FBXO25: variants seen among roughly 807,000 people sequenced by gnomAD.
FBXO25 encodes the protein F-box only protein 25.
In FBXO25, 45 loss-of-function variants were observed where a neutral mutation model predicts 51.9. That is an observed-to-expected ratio of 0.87 (90% CI 0.68 to 1.11). FBXO25 has a LOEUF of 1.11. Among genes scored for constraint, FBXO25 ranks in the 50% most tolerant of loss-of-function variants. The pLI, the probability that FBXO25 is intolerant of heterozygous loss-of-function variation, is 0.00. For synonymous variants in FBXO25, 199 were observed against 151.0 expected, an observed-to-expected ratio of 1.32 and a Z score of -2.33; for missense variants, 507 against 428.5, an observed-to-expected ratio of 1.18 and a Z score of -1.62.
At chr8:439,023 C>T (rs894766709) in intron 5 of FBXO25, among the ~76,000 whole-genome samples, 1 of 152,246 alleles carries the variant, frequency 6.6e-6, no homozygotes, top group Non-Finnish European at 1.5e-5. Context: ...TGTGTCCCAA[C>T]TGCAGTGAGG....
In FBXO25 at chr8:468,780, C is replaced by G; in HGVS notation, c.1053C>G (p.His351Gln). ...GCTTCACGCCTGTGTCTCCGCAGCA[C>G]TTCATCGACCTCTTCAAGTTTTAAG... ...DSCFTPVSPQ[H>Q]FIDLFKF Residue 351 changes from histidine (H) to glutamine (Q), a missense_variant, in exon 10 of 10, where the codon CAC becomes CAG. Transcript: ENST00000350302. 6.2e-7 allele frequency: 1 copy of G among 1,614,052 alleles called. No homozygotes were observed. The highest frequency in any genetic ancestry group is 8.5e-7 in the Non-Finnish European group (1 of 1,180,020).
chr8:409,223 A>G (rs1160883107), intron 1 of FBXO25, among the ~76,000 whole-genome samples: 3 of 152,316 alleles, frequency 2.0e-5, no homozygotes, highest in Non-Finnish European at 4.4e-5. Context: ...TTTGTGCTTT[A>G]GTTCATGAGC....
rs561499869 is a variant in FBXO25, at chr8:431,486, G to A, written c.238+42G>A. 28 of 1,003,244 alleles carry A rather than the reference G, an allele frequency of 2.8e-5. No homozygotes were observed. The South Asian group carries it at 3.0e-4, about 11-fold the overall frequency. The allele number at this position is 1,003,244 out of a possible 1,614,324, so 62.1% of individuals were successfully genotyped here. On this transcript the variant is annotated intron_variant, in intron 3 of 9. Transcript: ENST00000350302. ...TAATTTTATTTTACTTGTTGATTAC[G>A]TTGAAATACTAAATTACTCTGACAA...
chr8:470,995 C>G lies in FBXO25; in HGVS notation c.*2191C>G, dbSNP rs150772083. ...TCCCCTAATTTGTCATATACTGTTA[C>G]TGTCATTTAATTGTTAGATGTTATA... On this transcript the variant is annotated 3_prime_UTR_variant, in exon 10 of 10. Transcript: ENST00000350302. The G allele has an allele frequency of 1.0e-3, 154 of 152,252 alleles. No homozygotes were observed. Among genetic ancestry groups the G allele is most frequent in the African/African-American group, 3.6e-3 (150 of 41,538 alleles). The allele number at this position is 152,252 out of a possible 1,614,324, so 9.4% of individuals were successfully genotyped here. A position where few individuals can be genotyped will look rare whatever the true frequency, so the allele number is the denominator to read the frequency against.
chr8:413,889 G>C (rs190543021), intron 2 of FBXO25, among the ~76,000 whole-genome samples: 1 of 152,296 alleles, frequency 6.6e-6, no homozygotes, highest in Admixed American at 6.5e-5. Context: ...GAGACTGCAT[G>C]AGCACAGTAC....
rs75970118 is a variant in FBXO25, at chr8:475,319, A to G, written c.*6515A>G. ...GGTCTACATGACTGTCTTTGTTTCAATACAACACCATTTTGATTATTGTAG... is the reference window on the plus strand; with the variant it reads ...GGTCTACATGACTGTCTTTGTTTCAGTACAACACCATTTTGATTATTGTAG... On this transcript the variant is annotated 3_prime_UTR_variant, in exon 10 of 10. Coordinates refer to ENST00000350302, the MANE Select transcript of FBXO25 (RefSeq NM_183420.2). 9.0e-5 allele frequency: 15 copies of G among 167,192 alleles called. No homozygotes were observed. The East Asian group carries it at 1.1e-3, about 12-fold the overall frequency. The allele number at this position is 167,192 out of a possible 1,614,324, so 10.4% of individuals were successfully genotyped here.
At chr8:468,576 C>T (rs1800341814) in intron 9 of FBXO25, 139 bp from the exon 10 acceptor site, 3 of 625,386 alleles carry the variant, frequency 4.8e-6, no homozygotes, top group South Asian at 2.0e-5. Flanking sequence ...TGGTCATTCT[C>T]ATCCAAGTTA....
intron 1 of FBXO25, among the ~76,000 whole-genome samples, chr8:411,828 C>T (rs535171784): frequency 6.6e-6 from 1 of 152,232 alleles, no homozygotes; most frequent in South Asian, 2.1e-4. Flanking sequence ...TTTGAATCAG[C>T]AGTGTGAGCA....
intron 8 of FBXO25, 135 bp downstream of exon 8, chr8:458,686 G>C: frequency 1.2e-6 from 1 of 817,860 alleles, no homozygotes; most frequent in African/African-American, 1.7e-5. Flanking sequence ...AACAATCAGA[G>C]TTTATTGAGA....
In FBXO25 at chr8:418,273, T is replaced by C. The variant is rs369382825; in HGVS notation, c.134+5060T>C. ...AACTAGTTTGGTGGGCAAAAAACAT[T>C]AGACATTTTATTTCTTTTCCTTTCC... On this transcript the variant is annotated intron_variant, in intron 2 of 9. Transcript: ENST00000350302. Among the ~76,000 whole-genome samples the C allele has an allele frequency of 9.9e-5, 15 of 152,156 alleles. No homozygotes were observed. The East Asian group carries it at 2.7e-3, about 27-fold the overall frequency.
chr8:458,270 C>G, intron 7 of FBXO25, 99 bp from the exon 8 acceptor site: 2 of 1,352,908 alleles, frequency 1.5e-6, no homozygotes, highest in Non-Finnish European at 1.0e-6. Flanking sequence ...TTTTGTGTTA[C>G]CATGTTTTGA....
chr8:451,894 A>T (rs576055074), intron 7 of FBXO25, among the ~76,000 whole-genome samples: 1 of 152,348 alleles, frequency 6.6e-6, no homozygotes, highest in South Asian at 2.1e-4. Context: ...AACAAGGCCA[A>T]AAGAAGGTGC....
At chr8:418,931 T>C (rs1206496576) in intron 2 of FBXO25, among the ~76,000 whole-genome samples, 2 of 152,158 alleles carry the variant, frequency 1.3e-5, no homozygotes, top group Admixed American at 1.3e-4. Context: ...GCTAAAACTG[T>C]AAAGTTTTAA....
At chr8:423,534 G>C (rs1280747834) in intron 2 of FBXO25, among the ~76,000 whole-genome samples, 1 of 152,068 alleles carries the variant, frequency 6.6e-6, no homozygotes, top group East Asian at 1.9e-4. Flanking sequence ...TTATAAGTGA[G>C]AACATGTGGT....
In FBXO25 at chr8:469,823, T is replaced by C. The variant is rs1041650258; in HGVS notation, c.*1019T>C. The C allele has an allele frequency of 1.3e-5, 2 of 152,186 alleles. No individual in the cohort carries two copies. Among genetic ancestry groups the C allele is most frequent in the Non-Finnish European group, 2.9e-5 (2 of 68,030 alleles). 9.4% of individuals were successfully genotyped at this position (152,186 alleles called of 1,614,324 possible). A position where few individuals can be genotyped will look rare whatever the true frequency, so the allele number is the denominator to read the frequency against. On this transcript the variant is annotated 3_prime_UTR_variant, in exon 10 of 10. Transcript: ENST00000350302. ...GGTCAAGGAGCCCAAGCAAATCATT[T>C]CTACTTTTTCCTTTAAGCATAATAA...
At chr8:408,655 C>G (rs1446303227) in intron 1 of FBXO25, among the ~76,000 whole-genome samples, 1 of 152,186 alleles carries the variant, frequency 6.6e-6, no homozygotes, top group Non-Finnish European at 1.5e-5. Flanking sequence ...AAAAAATATG[C>G]TTGTTGAAGG....
intron 5 of FBXO25, among the ~76,000 whole-genome samples, chr8:444,593 ACTTT>A (rs777765121): frequency 2.0e-5 from 3 of 152,184 alleles, no homozygotes; most frequent in Admixed American, 6.5e-5. Flanking sequence ...TGAAGGATGT[ACTTT>A]CTTTCTCTTT....
intron 7 of FBXO25, among the ~76,000 whole-genome samples, chr8:456,457 T>G (rs1799437405): frequency 6.6e-6 from 1 of 152,124 alleles, no homozygotes; most frequent in South Asian, 2.1e-4. Flanking sequence ...CAAACATTCG[T>G]CAGTAATGAG....
intron 1 of FBXO25, among the ~76,000 whole-genome samples, chr8:410,574 A>C (rs763340557): frequency 6.6e-6 from 1 of 152,280 alleles, no homozygotes; most frequent in Non-Finnish European, 1.5e-5. Context: ...GTCATCTGCT[A>C]CTTCATGGTC....
Sources: gnomAD v4.1 joint callset for allele counts (sites outside exome capture counted in the v4.1 genomes callset) on GRCh38, gnomAD v4.1.1 for gene constraint, MANE v1.5 for transcripts, NCBI Gene and HGNC (gene_info 2026-07-23, HGNC 2026-07-21) for gene names.